The following SEMA5A variants were observed in gnomAD, a reference collection of about 807,000 sequenced individuals.
SEMA5A encodes the protein semaphorin-5A.
Under a neutral mutation model 135.5 loss-of-function variants are expected in SEMA5A, and 55 were observed. The observed-to-expected ratio is 0.41, with a 90% CI of 0.33 to 0.51. SEMA5A has a LOEUF of 0.51. SEMA5A is among the 20% of genes least tolerant of loss of function. The pLI, the probability that SEMA5A is intolerant of heterozygous loss-of-function variation, is 0.37. For missense variants in SEMA5A, 1,290 were observed against 1,419.9 expected, an observed-to-expected ratio of 0.91 and a Z score of 1.47; for synonymous variants, 580 against 546.5, an observed-to-expected ratio of 1.06 and a Z score of -0.85.
intron 1 of SEMA5A, among the ~76,000 whole-genome samples, chr5:9,450,044 A>G (rs543599474): frequency 6.6e-6 from 1 of 152,264 alleles, no homozygotes; most frequent in Admixed American, 6.5e-5. Flanking sequence ...TAAAAGCTCA[A>G]CTTTGCACAG....
intron 3 of SEMA5A, among the ~76,000 whole-genome samples, chr5:9,346,040 CT>C (rs1169094143): frequency 6.6e-6 from 1 of 152,084 alleles, no homozygotes; most frequent in Non-Finnish European, 1.5e-5. Context: ...AACTTATATT[CT>C]GTTTTCCTGC....
chr5:9,353,264 G>GA, intron 3 of SEMA5A, among the ~76,000 whole-genome samples: 4 of 138,304 alleles, frequency 2.9e-5, no homozygotes, highest in Middle Eastern at 4.2e-3. Context: ...GGGAAGGGAA[G>GA]CAAAGGAAAG....
At chr5:9,083,914 G>A (rs762551449) in intron 16 of SEMA5A, among the ~76,000 whole-genome samples, 35 of 152,142 alleles carry the variant, frequency 2.3e-4, no homozygotes, top group Non-Finnish European at 3.2e-4. Flanking sequence ...TCATATACAG[G>A]TGCCATTGTC....
intron 2 of SEMA5A, among the ~76,000 whole-genome samples, chr5:9,380,967 G>C (rs980897275): frequency 5.3e-5 from 8 of 152,196 alleles, no homozygotes; most frequent in Non-Finnish European, 1.0e-4. Context: ...AGGCACATTG[G>C]AGGGGCAAGA....
At chr5:9,529,770 G>A (rs879690000) in intron 1 of SEMA5A, among the ~76,000 whole-genome samples, 20 of 152,112 alleles carry the variant, frequency 1.3e-4, no homozygotes, top group African/African-American at 4.6e-4. Flanking sequence ...TTCATTCTAC[G>A]TGAAGCTCCT....
At chr5:9,408,781 T>C (rs569668426) in intron 2 of SEMA5A, among the ~76,000 whole-genome samples, 50 of 152,060 alleles carry the variant, frequency 3.3e-4, no homozygotes, top group Non-Finnish European at 4.3e-4. Context: ...TCTGAACCAC[T>C]CCAATGTGTA....
At chr5:9,286,140 C>T (rs751426681) in intron 5 of SEMA5A, among the ~76,000 whole-genome samples, 23 of 152,022 alleles carry the variant, frequency 1.5e-4, no homozygotes, top group Non-Finnish European at 2.6e-4. Context: ...GCTAGGAGTT[C>T]GTTCCACCAT....
At position 9,063,114 on chromosome 5, in the gene SEMA5A, G is replaced by A. The variant is rs1336968114; in HGVS notation, c.2300-9C>T. 2 of 1,604,374 alleles carry A rather than the reference G, an allele frequency of 1.2e-6. No homozygotes were observed. The highest frequency in any genetic ancestry group is 1.7e-6 in the Non-Finnish European group (2 of 1,174,728). ...GAAATCCCCAGAAAGCCCTGCCAAG[G>A]AAACAGGTGAAGTGTGATTCTGTTA... On this transcript the variant is annotated splice_polypyrimidine_tract_variant and intron_variant, in intron 17 of 22. Coordinates refer to ENST00000382496, the MANE Select transcript of SEMA5A (RefSeq NM_003966.3).
intron 12 of SEMA5A, among the ~76,000 whole-genome samples, chr5:9,152,798 G>T (rs922428875): frequency 6.6e-6 from 1 of 152,212 alleles, no homozygotes; most frequent in Non-Finnish European, 1.5e-5. Flanking sequence ...AGGGCTGGGC[G>T]CAGTGGCACA....
chr5:9,142,602 C>A (rs1276655383), intron 12 of SEMA5A, among the ~76,000 whole-genome samples: 1 of 152,192 alleles, frequency 6.6e-6, no homozygotes, highest in Non-Finnish European at 1.5e-5. Context: ...CTATGAAAAT[C>A]TGTCCCATTC....
In SEMA5A at chr5:9,197,149, T is replaced by C. The variant is rs1320473167; in HGVS notation, c.1068+19A>G. On this transcript the variant is annotated intron_variant, in intron 10 of 22. Transcript: ENST00000382496. ...TCATGGGGGATGCCAACAGTGCCCC[T>C]TTGCCCCCCGAAAATTACCTGGAAG... The C allele has an allele frequency of 1.2e-6, 2 of 1,613,978 alleles. No homozygotes were observed. Among genetic ancestry groups the C allele is most frequent in the Non-Finnish European group, 8.5e-7 (1 of 1,179,936 alleles).
chr5:9,477,429 G>A (rs1759709766), intron 1 of SEMA5A, among the ~76,000 whole-genome samples: 1 of 152,146 alleles, frequency 6.6e-6, no homozygotes, highest in African/African-American at 2.4e-5. Flanking sequence ...AGGAAGATGG[G>A]GGAAAGTTTG....
At chr5:9,240,932 T>C (rs1748158147) in intron 5 of SEMA5A, among the ~76,000 whole-genome samples, 1 of 152,138 alleles carries the variant, frequency 6.6e-6, no homozygotes, top group Non-Finnish European at 1.5e-5. Flanking sequence ...CCAACATTCA[T>C]AGTCTCATTT....
chr5:9,206,516 C>T (rs146533482), intron 8 of SEMA5A, among the ~76,000 whole-genome samples: 246 of 151,950 alleles, frequency 1.6e-3, no homozygotes, highest in African/African-American at 5.7e-3. Flanking sequence ...ACTGAGAATC[C>T]AAAAGAAGCC....
intron 16 of SEMA5A, among the ~76,000 whole-genome samples, chr5:9,091,304 A>G (rs1156838972): frequency 6.6e-6 from 1 of 152,244 alleles, no homozygotes; most frequent in Non-Finnish European, 1.5e-5. Flanking sequence ...AACGATTTGT[A>G]TCAGAATGAA....
intron 16 of SEMA5A, among the ~76,000 whole-genome samples, chr5:9,090,912 T>G (rs2150123767): frequency 6.6e-6 from 1 of 152,330 alleles, no homozygotes; most frequent in Non-Finnish European, 1.5e-5. Flanking sequence ...CAAATATCTG[T>G]CCTCCACTGA....
chr5:9,237,802 G>A (rs771788775), intron 6 of SEMA5A, 26 bp downstream of exon 6: 1 of 1,610,092 alleles, frequency 6.2e-7, no homozygotes, highest in Non-Finnish European at 8.5e-7. Context: ...CAGGGTGATG[G>A]CTGCTCATAA....
intron 8 of SEMA5A, 130 bp from the exon 9 acceptor site, chr5:9,202,370 G>T: frequency 3.9e-6 from 3 of 776,832 alleles, no homozygotes; most frequent in Non-Finnish European, 5.8e-6. Context: ...TAGGACTATT[G>T]GGAGGCCCCG....
At chr5:9,409,746 G>A (rs905929375) in intron 2 of SEMA5A, among the ~76,000 whole-genome samples, 1 of 152,206 alleles carries the variant, frequency 6.6e-6, no homozygotes, top group Non-Finnish European at 1.5e-5. Context: ...GCGAGAGCTC[G>A]TCAGACACGA....
Sources: allele counts gnomAD v4.1 joint callset (sites outside exome capture counted in the v4.1 genomes callset), GRCh38; gene constraint gnomAD v4.1.1; transcripts MANE v1.5; gene names NCBI Gene and HGNC (gene_info 2026-07-23, HGNC 2026-07-21).